The following CLEC16A variants were observed in gnomAD, a reference collection of about 807,000 sequenced individuals.
CLEC16A encodes the protein protein CLEC16A.
CLEC16A carries 51 observed loss-of-function variants against 109.5 expected under a neutral mutation model. The ratio of observed to expected loss-of-function variants is 0.47; its 90% CI spans 0.37 to 0.59. The LOEUF (loss-of-function observed/expected upper bound fraction) is 0.59, where lower values mean the gene tolerates loss of function less well. Among genes scored for constraint, CLEC16A ranks in the 20% least tolerant of loss-of-function variants. The probability of loss-of-function intolerance (pLI) is 0.00; values close to 1 mark genes in which losing one functional copy is unlikely to be tolerated. For missense variants in CLEC16A, 1,339 were observed against 1,394.0 expected, an observed-to-expected ratio of 0.96 and a Z score of 0.63; for synonymous variants, 673 against 564.2, an observed-to-expected ratio of 1.19 and a Z score of -2.73.
At chr16:11,067,189 G>GTTT (rs71406205) in intron 19 of CLEC16A, among the ~76,000 whole-genome samples, 7 of 98,964 alleles carry the variant, frequency 7.1e-5, no homozygotes, top group African/African-American at 1.6e-4. Context: ...GTTTGTTTTT[G>GTTT]TTTTTTTTTT....
At chr16:10,950,117 C>A (rs1385907697) in intron 1 of CLEC16A, among the ~76,000 whole-genome samples, 1 of 152,164 alleles carries the variant, frequency 6.6e-6, no homozygotes, top group Non-Finnish European at 1.5e-5. Context: ...AGCTCCTGTG[C>A]GTTCTTAAAG....
chr16:11,103,248 C>T (rs1445078526), intron 19 of CLEC16A, among the ~76,000 whole-genome samples: 1 of 152,222 alleles, frequency 6.6e-6, no homozygotes, highest in East Asian at 1.9e-4. Context: ...TCCACCTCTG[C>T]TTGGCCCATT....
chr16:11,178,299 G>C lies in CLEC16A; in HGVS notation c.2807-36G>C. On this transcript the variant is annotated intron_variant, in intron 23 of 23. Coordinates refer to ENST00000409790, the MANE Select transcript of CLEC16A (RefSeq NM_015226.3). The surrounding 1 kb of genome is among the most constrained non-coding windows in gnomAD (Gnocchi z 6.5). ...CGCAGTGCGACGGGGTGTCTCAAGGGCTCAGTGTGTTTCCGGTTTTTCTCC... is the reference window on the plus strand; with the variant it reads ...CGCAGTGCGACGGGGTGTCTCAAGGCCTCAGTGTGTTTCCGGTTTTTCTCC... The C allele has an allele frequency of 1.3e-6, 2 of 1,557,274 alleles. No individual in the cohort carries two copies. The highest frequency in any genetic ancestry group is 1.8e-6 in the Non-Finnish European group (2 of 1,139,178).
intron 11 of CLEC16A, among the ~76,000 whole-genome samples, chr16:11,014,743 T>C (rs2045639062): frequency 6.6e-6 from 1 of 152,194 alleles, no homozygotes; most frequent in Non-Finnish European, 1.5e-5. Context: ...TGTATCCACA[T>C]AGCCTACTGA....
intron 19 of CLEC16A, among the ~76,000 whole-genome samples, chr16:11,108,440 G>T (rs540533730): frequency 6.6e-6 from 1 of 152,262 alleles, no homozygotes. Flanking sequence ...GGGCTTGCCT[G>T]TTGAGAGCTC....
At chr16:10,974,018 C>A (rs927147745) in intron 7 of CLEC16A, among the ~76,000 whole-genome samples, 2 of 149,434 alleles carry the variant, frequency 1.3e-5, no homozygotes, top group Non-Finnish European at 3.0e-5. Flanking sequence ...TCTGCCTCAG[C>A]CTCTGGAGTA....
At chr16:11,132,720 G>A (rs1032118111) in intron 22 of CLEC16A, among the ~76,000 whole-genome samples, 15 of 152,168 alleles carry the variant, frequency 9.9e-5, no homozygotes, top group African/African-American at 3.6e-4. Context: ...GCACTAGAAT[G>A]GAAGGCACTT....
At position 11,144,654 on chromosome 16, in the gene CLEC16A, T is replaced by A. The variant is rs146880438; in HGVS notation, c.2641+18508T>A. Among the ~76,000 whole-genome samples, 17 of 152,306 alleles carry A rather than the reference T, an allele frequency of 1.1e-4. No individual in the cohort carries two copies. The East Asian group carries it at 3.3e-3, about 29-fold the overall frequency. On this transcript the variant is annotated intron_variant, in intron 22 of 23. Coordinates refer to ENST00000409790, the MANE Select transcript of CLEC16A (RefSeq NM_015226.3). ...GTCCTCGGCCCTAGCTGTGCATTTT[T>A]AAAATCACCTTGAAAGCTTTTAGAA...
chr16:11,058,153 C>T (rs2048303695), intron 18 of CLEC16A, among the ~76,000 whole-genome samples: 1 of 152,230 alleles, frequency 6.6e-6, no homozygotes, highest in South Asian at 2.1e-4. Flanking sequence ...GAGCTCCCCG[C>T]CCTGTGGGAA....
chr16:11,023,825 C>T (rs2046259661), intron 12 of CLEC16A, among the ~76,000 whole-genome samples: 1 of 152,160 alleles, frequency 6.6e-6, no homozygotes, highest in African/African-American at 2.4e-5. Flanking sequence ...GTGCTCTGTT[C>T]TCTTGGCCTC....
intron 10 of CLEC16A, among the ~76,000 whole-genome samples, chr16:10,992,392 T>C (rs1428676514): frequency 6.6e-6 from 1 of 151,988 alleles, no homozygotes; most frequent in Non-Finnish European, 1.5e-5. Context: ...AGACAGAGTT[T>C]TGAATGTTCT....
Position 11,174,284 on chromosome 16 carries a change from C to G in CLEC16A, c.2807-4051C>G. Reference sequence around the variant, plus strand: ...TCACGCACAGTCAATTCAGGCAGGTCTCCCCTGTGAGCCGCTCGGGCCGCG... The same window carrying G: ...TCACGCACAGTCAATTCAGGCAGGTGTCCCCTGTGAGCCGCTCGGGCCGCG... On this transcript the variant is annotated intron_variant, in intron 23 of 23. Transcript: ENST00000409790. The surrounding 1 kb of genome is among the most constrained non-coding windows in gnomAD (Gnocchi z 4.7). The G allele has an allele frequency of 2.2e-6, 1 of 459,554 alleles. No individual in the cohort carries two copies. The highest frequency in any genetic ancestry group is 4.5e-6 in the Non-Finnish European group (1 of 224,366). 28.5% of individuals were successfully genotyped at this position (459,554 alleles called of 1,614,324 possible).
chr16:11,125,693 A>G (rs2052757145), intron 21 of CLEC16A, among the ~76,000 whole-genome samples: 1 of 152,184 alleles, frequency 6.6e-6, no homozygotes, highest in African/African-American at 2.4e-5. Context: ...GTGGAAATTG[A>G]CCCAGCTTCC....
chr16:11,000,841 A>G (rs1009139994), intron 10 of CLEC16A, among the ~76,000 whole-genome samples: 1 of 152,206 alleles, frequency 6.6e-6, no homozygotes, highest in East Asian at 1.9e-4. Context: ...CCTTGAGCAC[A>G]TTTCCATTTA....
At chr16:10,972,834 T>G in intron 6 of CLEC16A, 104 bp from the exon 7 acceptor site, 1 of 1,259,896 alleles carries the variant, frequency 7.9e-7, no homozygotes, top group East Asian at 2.5e-5. Flanking sequence ...AGAGGGCTTT[T>G]TCATTGTGGT....
At chr16:11,111,923 A>G (rs915658444) in intron 19 of CLEC16A, among the ~76,000 whole-genome samples, 3 of 152,256 alleles carry the variant, frequency 2.0e-5, no homozygotes, top group East Asian at 3.8e-4. Flanking sequence ...CTTTGCTGCT[A>G]TAAATTTACT....
At chr16:10,958,018 A>T in intron 2 of CLEC16A, 108 bp downstream of exon 2, 1 of 1,114,668 alleles carries the variant, frequency 9.0e-7, no homozygotes. Flanking sequence ...CGCTAATTTG[A>T]TCTTGCCTAG....
intron 11 of CLEC16A, among the ~76,000 whole-genome samples, chr16:11,016,951 T>TG (rs886346358): frequency 8.5e-6 from 1 of 117,348 alleles, no homozygotes; most frequent in Non-Finnish European, 1.6e-5. Context: ...GGAAGGGGGA[T>TG]GGTGAGAGTG....
intron 23 of CLEC16A, among the ~76,000 whole-genome samples, chr16:11,176,361 G>C (rs1289523407): frequency 6.6e-6 from 1 of 152,174 alleles, no homozygotes; most frequent in Admixed American, 6.5e-5. Flanking sequence ...CACCCTCCCA[G>C]AGCGAGGACC....
Sources: gnomAD v4.1 joint callset for allele counts (sites outside exome capture counted in the v4.1 genomes callset) on GRCh38, gnomAD v4.1.1 for gene constraint, Gnocchi (gnomAD v3.1) non-coding constraint, MANE v1.5 for transcripts, NCBI Gene and HGNC (gene_info 2026-07-23, HGNC 2026-07-21) for gene names.